The following SLC17A8 variants were observed in gnomAD, a reference collection of about 807,000 sequenced individuals.
SLC17A8 encodes vesicular glutamate transporter 3.
SLC17A8 carries 31 observed loss-of-function variants against 58.0 expected under a neutral mutation model. The observed-to-expected ratio is 0.53, with a 90% CI of 0.40 to 0.72. The LOEUF (loss-of-function observed/expected upper bound fraction) is 0.72. SLC17A8 is among the 30% of genes least tolerant of loss of function. The pLI, the probability that SLC17A8 is intolerant of heterozygous loss-of-function variation, is 0.00. For synonymous variants in SLC17A8, 228 were observed against 249.0 expected, an observed-to-expected ratio of 0.92 and a Z score of 0.79; for missense variants, 655 against 727.8, an observed-to-expected ratio of 0.90 and a Z score of 1.15.
intron 2 of SLC17A8, among the ~76,000 whole-genome samples, chr12:100,389,961 C>T (rs1402867041): frequency 7.2e-5 from 11 of 152,024 alleles, no homozygotes; most frequent in Non-Finnish European, 1.5e-5. Context: ...GCTGGGATTA[C>T]AGGCGTCTGC....
chr12:100,374,064 TG>T (rs1373522111), intron 1 of SLC17A8, among the ~76,000 whole-genome samples: 2 of 152,204 alleles, frequency 1.3e-5, no homozygotes, highest in African/African-American at 4.8e-5. Context: ...TGTTAGTCTT[TG>T]TAGGGTCGGC....
chr12:100,379,384 G>A (rs374856938), intron 1 of SLC17A8, among the ~76,000 whole-genome samples: 1 of 143,714 alleles, frequency 7.0e-6, no homozygotes. Flanking sequence ...GCAGTGAGCC[G>A]AGAATCGTGC....
chr12:100,374,264 C>T (rs1592990260), intron 1 of SLC17A8, among the ~76,000 whole-genome samples: 1 of 152,160 alleles, frequency 6.6e-6, no homozygotes, highest in South Asian at 2.1e-4. Flanking sequence ...GTTCTGTCTT[C>T]CTCTGTGAGC....
chr12:100,379,130 C>T (rs562680837), intron 1 of SLC17A8, among the ~76,000 whole-genome samples: 1 of 152,250 alleles, frequency 6.6e-6, no homozygotes, highest in South Asian at 2.1e-4. Flanking sequence ...ATTTGATTTC[C>T]TTGAGTCATA....
chr12:100,377,513 T>C (rs1180254716), intron 1 of SLC17A8, among the ~76,000 whole-genome samples: 1 of 150,208 alleles, frequency 6.7e-6, no homozygotes, highest in East Asian at 1.9e-4. Flanking sequence ...GTAAGGTACA[T>C]GAGCTCCTCA....
In SLC17A8 at chr12:100,391,065, A is replaced by T; in HGVS notation, c.419A>T (p.Tyr140Phe). The T allele has an allele frequency of 6.2e-7, 1 of 1,613,968 alleles. No individual in the cohort carries two copies. Residue 140 changes from tyrosine (Y) to phenylalanine (F), a missense_variant, in exon 3 of 12, where the codon TAT becomes TTT. Tyr to Phe is a conservative substitution (Grantham distance 22). Transcript: ENST00000323346. Reference sequence around the variant, plus strand: ...ATCCATGGATCTTTTTTCTGGGGCTATATTATGACACAAATTCCAGGTGGT... The same window carrying T: ...ATCCATGGATCTTTTTTCTGGGGCTTTATTATGACACAAATTCCAGGTGGT... ...GLIHGSFFWG[Y>F]IMTQIPGGFI...
At chr12:100,361,984 A>G (rs558116103) in intron 1 of SLC17A8, among the ~76,000 whole-genome samples, 1 of 152,184 alleles carries the variant, frequency 6.6e-6, no homozygotes, top group East Asian at 1.9e-4. Context: ...ACAAAAAAAA[A>G]CAGAAAGGAG....
intron 1 of SLC17A8, among the ~76,000 whole-genome samples, chr12:100,358,109 T>G (rs1039044424): frequency 4.6e-5 from 7 of 152,186 alleles, no homozygotes; most frequent in African/African-American, 1.7e-4. Context: ...AGTAAATATT[T>G]TTTAAAGTAA....
At chr12:100,367,416 T>C (rs1190868611) in intron 1 of SLC17A8, among the ~76,000 whole-genome samples, 1 of 152,080 alleles carries the variant, frequency 6.6e-6, no homozygotes, top group Non-Finnish European at 1.5e-5. Context: ...CATTAAAAAA[T>C]GAAATAGGCT....
intron 1 of SLC17A8, among the ~76,000 whole-genome samples, chr12:100,363,688 A>G (rs929737391): frequency 3.3e-5 from 5 of 152,042 alleles, no homozygotes; most frequent in Non-Finnish European, 7.3e-5. Flanking sequence ...CCTGGAAGAT[A>G]GCACCTTACC....
At chr12:100,397,241 C>T (rs965502224) in intron 5 of SLC17A8, among the ~76,000 whole-genome samples, 1 of 152,154 alleles carries the variant, frequency 6.6e-6, no homozygotes, top group African/African-American at 2.4e-5. Flanking sequence ...CACGCCTCTT[C>T]TTTTTATATG....
intron 1 of SLC17A8, among the ~76,000 whole-genome samples, chr12:100,372,996 G>T (rs1036762729): frequency 2.6e-5 from 4 of 152,156 alleles, no homozygotes; most frequent in Non-Finnish European, 1.5e-5. Flanking sequence ...CATTTGAATT[G>T]CAAAGAAATA....
intron 1 of SLC17A8, among the ~76,000 whole-genome samples, chr12:100,372,557 G>A (rs1001481357): frequency 6.6e-6 from 1 of 152,038 alleles, no homozygotes; most frequent in Non-Finnish European, 1.5e-5. Flanking sequence ...TATTAGATGA[G>A]GGCCCACCCT....
intron 8 of SLC17A8, among the ~76,000 whole-genome samples, chr12:100,403,619 C>T (rs1952806965): frequency 6.6e-6 from 1 of 152,146 alleles, no homozygotes; most frequent in South Asian, 2.1e-4. Flanking sequence ...AACCTCTTTC[C>T]TACAAGGGAA....
intron 1 of SLC17A8, among the ~76,000 whole-genome samples, chr12:100,374,274 C>T (rs1257465108): frequency 6.6e-6 from 1 of 152,126 alleles, no homozygotes. Context: ...CCTCTGTGAG[C>T]TAGGCTATAC....
At chr12:100,364,092 G>T (rs1283268061) in intron 1 of SLC17A8, among the ~76,000 whole-genome samples, 3 of 149,772 alleles carry the variant, frequency 2.0e-5, no homozygotes, top group Non-Finnish European at 4.4e-5. Context: ...CTGGCAGGCT[G>T]TCAGCTTCTG....
intron 2 of SLC17A8, among the ~76,000 whole-genome samples, chr12:100,389,090 T>C (rs1253707972): frequency 1.3e-5 from 2 of 152,172 alleles, no homozygotes; most frequent in African/African-American, 4.8e-5. Context: ...GGAAGGACCA[T>C]TTACAATGAG....
Position 100,374,628 on chromosome 12 carries a change from C to T in SLC17A8, c.102-6073C>T, listed in dbSNP as rs188913073. Among the ~76,000 whole-genome samples, 583 of 152,174 alleles carry T rather than the reference C, an allele frequency of 3.8e-3. 14 individuals carry two copies. The highest frequency in any genetic ancestry group is 9.3e-4 in the Non-Finnish European group (63 of 68,002). On this transcript the variant is annotated intron_variant, in intron 1 of 11. Transcript: ENST00000323346. ...CTCCGTCTCAAAAAAATAAATAAAA[C>T]AAAACAAATCAAATCTGACTCTGAG... is the stretch of plus-strand genomic sequence containing the variant.
chr12:100,415,890 A>G (rs1267276214), intron 10 of SLC17A8, among the ~76,000 whole-genome samples: 2 of 152,326 alleles, frequency 1.3e-5, no homozygotes, highest in East Asian at 3.9e-4. Flanking sequence ...GGTCCCAGCA[A>G]TGACACTGTG....
Sources: gnomAD v4.1 joint callset for allele counts (sites outside exome capture counted in the v4.1 genomes callset) on GRCh38, gnomAD v4.1.1 for gene constraint, MANE v1.5 for transcripts, NCBI Gene and HGNC (gene_info 2026-07-23, HGNC 2026-07-21) for gene names.